Variants in MTO1 observed in about 807,000 individuals in gnomAD.
MTO1 encodes mitochondrial tRNA translation optimization 1.
In MTO1, 46 loss-of-function variants were observed where a neutral mutation model predicts 71.6. The ratio of observed to expected loss-of-function variants is 0.64; its 90% CI spans 0.51 to 0.82. MTO1 has a LOEUF of 0.82. Ranked by LOEUF, MTO1 falls within the 40% of genes least tolerant of loss-of-function variation. MTO1 has a pLI of 0.00. For synonymous variants in MTO1, 297 were observed against 312.1 expected (o/e 0.95, Z 0.51); for missense variants, 773 against 867.5 (o/e 0.89, Z 1.37).
chr6:73,479,958 A>T lies in MTO1; in HGVS notation c.961A>T (p.Lys321Ter), dbSNP rs148667065. Reference sequence around the variant, plus strand: ...TAGATACTGTCCCTCCATTGAATCAAAAGTTTTGCGTTTTCCAAACCGTCT... The same window carrying T: ...TAGATACTGTCCCTCCATTGAATCATAAGTTTTGCGTTTTCCAAACCGTCT... ...GPRYCPSIES[K>*]VLRFPNRLHQ... is the part of the protein sequence containing the mutation. Residue 321 changes from lysine (K) to a stop codon, truncating the protein, a stop_gained, in exon 6 of 12, where the codon AAA becomes TAA. Coordinates refer to ENST00000498286, the MANE Select transcript of MTO1 (RefSeq NM_012123.4). LOFTEE classifies it high-confidence loss of function. The T allele has an allele frequency of 2.5e-6, 4 of 1,612,878 alleles. No individual in the cohort carries two copies. The Admixed American group carries it at 6.7e-5, about 27-fold the overall frequency.
Position 73,478,274 on chromosome 6 carries a change from G to A in MTO1, c.826-1458G>A, listed in dbSNP as rs1002687777. On this transcript the variant is annotated intron_variant, in intron 4 of 11. Coordinates refer to ENST00000498286, the MANE Select transcript of MTO1 (RefSeq NM_012123.4). ...AAAAAAAAAAAAGTATATTGTATGT[G>A]TTTAAGATTGAGGATGAAGAATTGG... Among the ~76,000 whole-genome samples, 70 of 150,628 alleles carry A rather than the reference G, an allele frequency of 4.6e-4. 1 individual carries two copies. Among genetic ancestry groups the A allele is most frequent in the Middle Eastern group, 3.5e-3 (1 of 284 alleles).
At chr6:73,492,196 T>C (rs769211966) in intron 9 of MTO1, 38 bp from the exon 10 acceptor site, 38 of 1,303,226 alleles carry the variant, frequency 2.9e-5, no homozygotes, top group Admixed American at 1.0e-4. Flanking sequence ...TTATATGACA[T>C]GGATCCTTAT....
intron 10 of MTO1, among the ~76,000 whole-genome samples, chr6:73,495,112 A>G (rs1771948847): frequency 6.6e-6 from 1 of 152,098 alleles, no homozygotes; most frequent in African/African-American, 2.4e-5. Flanking sequence ...ACAAAGGCCT[A>G]TCACCTTGCA....
chr6:73,496,062 C>G (rs1771970449), intron 10 of MTO1, among the ~76,000 whole-genome samples: 1 of 152,270 alleles, frequency 6.6e-6, no homozygotes. Flanking sequence ...TAAAGACCCT[C>G]AGAAGTCATC....
intron 6 of MTO1, chr6:73,480,406 G>A (rs559850586): frequency 1.6e-6 from 1 of 633,040 alleles, no homozygotes; most frequent in African/African-American, 1.8e-5. Context: ...GAGTAACTGG[G>A]ATTACAGGCA....
Position 73,461,799 on chromosome 6 carries a change from G to C in MTO1, c.-56G>C, listed in dbSNP as rs1770823570. ...CTGCAGATTGTCTCTTGTTGCGTAAGTTTTTTTGACCGTCACTCGTGTCAG... is the reference window on the plus strand; with the variant it reads ...CTGCAGATTGTCTCTTGTTGCGTAACTTTTTTTGACCGTCACTCGTGTCAG... On this transcript the variant is annotated 5_prime_UTR_variant, in exon 1 of 12. Coordinates refer to ENST00000498286, the MANE Select transcript of MTO1 (RefSeq NM_012123.4). The C allele has an allele frequency of 1.9e-6, 3 of 1,570,094 alleles. No individual in the cohort carries two copies. Among genetic ancestry groups the C allele is most frequent in the East Asian group, 2.3e-5 (1 of 44,252 alleles).
chr6:73,462,147 G>GTCCCCCGCTTCA, intron 1 of MTO1, 76 bp downstream of exon 1: 1 of 1,485,590 alleles, frequency 6.7e-7, no homozygotes, highest in Non-Finnish European at 9.3e-7. Context: ...GTCTGAAGCG[G>GTCCCCCGCTTCA]GGGACCTCTT....
intron 9 of MTO1, among the ~76,000 whole-genome samples, chr6:73,487,255 C>T (rs933280739): frequency 4.3e-5 from 6 of 140,218 alleles, no homozygotes; most frequent in Non-Finnish European, 9.0e-5. Context: ...TGGAGTGGCA[C>T]AATTTCTGCT....
At chr6:73,493,924 T>G (rs1771908443) in intron 10 of MTO1, among the ~76,000 whole-genome samples, 1 of 152,048 alleles carries the variant, frequency 6.6e-6, no homozygotes, top group South Asian at 2.1e-4. Context: ...TTTTTCATAA[T>G]GAAAATTTTT....
intron 1 of MTO1, chr6:73,462,300 G>C: frequency 1.7e-6 from 1 of 581,516 alleles, no homozygotes; most frequent in Non-Finnish European, 3.0e-6. Flanking sequence ...ACAGTCGTCC[G>C]TTGTAGGAGG....
At position 73,480,775 on chromosome 6, in the gene MTO1, C is replaced by T. The variant is rs2150036324; in HGVS notation, c.1230C>T (p.Gly410=). ...QRLFFAGQIN[G]TTGYEEAAAQ... ...TCTTCTTTGCTGGACAGATCAATGG[C>T]ACCACTGGTTATGAGGAAGCTGCAG... Residue 410 remains glycine, a synonymous_variant, in exon 7 of 12, where the codon GGC becomes GGT. Coordinates refer to ENST00000498286, the MANE Select transcript of MTO1 (RefSeq NM_012123.4). The T allele has an allele frequency of 5.0e-6, 8 of 1,613,988 alleles. No individual in the cohort carries two copies. Among genetic ancestry groups the T allele is most frequent in the Non-Finnish European group, 6.8e-6 (8 of 1,179,968 alleles).
rs189932009 is a variant in MTO1 at position 73,469,553 on chromosome 6, C to T, written c.535+2947C>T. Among the ~76,000 whole-genome samples, 18 of 152,098 alleles carry T rather than the reference C, an allele frequency of 1.2e-4. No individual in the cohort carries two copies. In the East Asian group the frequency reaches 1.8e-3, roughly 15 times the overall value. On this transcript the variant is annotated intron_variant, in intron 3 of 11. Transcript: ENST00000498286. ...AAGAGAATCGCTTGAACCCAGGAGGCGGAGGTTGCAGTGAGCCGAGATCGT... is the reference window on the plus strand; with the variant it reads ...AAGAGAATCGCTTGAACCCAGGAGGTGGAGGTTGCAGTGAGCCGAGATCGT...
chr6:73,492,034 G>T, intron 9 of MTO1, 200 bp from the exon 10 acceptor site: 1 of 426,402 alleles, frequency 2.3e-6, no homozygotes, highest in Admixed American at 3.5e-5. Flanking sequence ...CCCAGCAGGT[G>T]GGGATTGCAG....
Position 73,502,186 on chromosome 6 carries a change from G to A in MTO1, c.*1451G>A, listed in dbSNP as rs780551447. 3 of 152,256 alleles carry A rather than the reference G, an allele frequency of 2.0e-5. No individual in the cohort carries two copies. The highest frequency in any genetic ancestry group is 6.5e-5 in the Admixed American group (1 of 15,284). 9.4% of individuals were successfully genotyped at this position (152,256 alleles called of 1,614,324 possible). A position where few individuals can be genotyped will look rare whatever the true frequency, so the allele number is the denominator to read the frequency against. On this transcript the variant is annotated 3_prime_UTR_variant, in exon 12 of 12. Transcript: ENST00000498286. The stretch of plus-strand genomic sequence containing the variant: ...AGGCTGGTTGCAGCAGCTCACGCCT[G>A]TAATCCCAGCACTTTGGGAGGCTGA...
intron 3 of MTO1, among the ~76,000 whole-genome samples, chr6:73,470,266 G>T (rs1172913378): frequency 6.6e-6 from 1 of 151,752 alleles, no homozygotes; most frequent in Non-Finnish European, 1.5e-5. Flanking sequence ...GAGTGCAATG[G>T]CGTGATCTCG....
chr6:73,487,411 C>T lies in MTO1; in HGVS notation c.1637+4791C>T, dbSNP rs191685291. ...TTCACCATGTTGGCTAGGCTGGTCT[C>T]GAACTCCTGACCACCTGCCTCGGCC... On this transcript the variant is annotated intron_variant, in intron 9 of 11. Coordinates refer to ENST00000498286, the MANE Select transcript of MTO1 (RefSeq NM_012123.4). Among the ~76,000 whole-genome samples, 700 of 151,640 alleles carry T rather than the reference C, an allele frequency of 4.6e-3. 13 individuals carry two copies. The highest frequency in any genetic ancestry group is 5.1e-3 in the Non-Finnish European group (344 of 67,890).
At chr6:73,498,998 A>T (rs1323619924) in intron 11 of MTO1, among the ~76,000 whole-genome samples, 1 of 152,120 alleles carries the variant, frequency 6.6e-6, no homozygotes, top group Non-Finnish European at 1.5e-5. Context: ...AAGTCCTGGG[A>T]TTACAGGCGT....
intron 4 of MTO1, among the ~76,000 whole-genome samples, chr6:73,476,539 G>A (rs1226706082): frequency 2.0e-5 from 3 of 151,970 alleles, no homozygotes; most frequent in South Asian, 2.1e-4. Flanking sequence ...ACCATTGAAC[G>A]TCACTCACTG....
At chr6:73,481,113 C>T (rs2150036554) in intron 7 of MTO1, 1 of 317,500 alleles carries the variant, frequency 3.1e-6, no homozygotes, top group Non-Finnish European at 6.0e-6. Context: ...ACCACAACAC[C>T]CAGGTAATTT....
Sources: allele counts gnomAD v4.1 joint callset (sites outside exome capture counted in the v4.1 genomes callset), GRCh38; gene constraint gnomAD v4.1.1; transcripts MANE v1.5; gene names NCBI Gene and HGNC (gene_info 2026-07-23, HGNC 2026-07-21).